CA12: variants seen among roughly 807,000 people sequenced by gnomAD.
The protein encoded by CA12 is carbonate dehydratase XII.
Under a neutral mutation model 46.8 loss-of-function variants are expected in CA12, and 36 were observed. The ratio of observed to expected loss-of-function variants is 0.77; its 90% CI spans 0.59 to 1.02. The LOEUF (loss-of-function observed/expected upper bound fraction) is 1.02. CA12 is among the 50% of genes least tolerant of loss of function. The pLI is 0.00. For missense variants in CA12, 436 were observed against 451.4 expected (o/e 0.97, Z 0.31); for synonymous variants, 202 against 187.0 (o/e 1.08, Z -0.65).
At position 63,345,559 on chromosome 15, in the gene CA12, G is replaced by A. The variant is rs770085807; in HGVS notation, c.347C>T (p.Thr116Met). 17 of 1,613,348 alleles carry A rather than the reference G, an allele frequency of 1.1e-5. No homozygotes were observed. Among genetic ancestry groups the A allele is most frequent in the Middle Eastern group, 1.6e-4 (1 of 6,082 alleles). Residue 116 changes from threonine to methionine, a missense_variant, in exon 4 of 11, where the codon ACG (threonine) becomes ATG (methionine). Coordinates refer to ENST00000178638, the MANE Select transcript of CA12 (RefSeq NM_001218.5). The surrounding 1 kb of genome is among the most constrained non-coding windows in gnomAD (Gnocchi z 4.3). Reference protein sequence around the residue: ...IQGLQSRYSATQLHLHWGNPN... With the variant: ...IQGLQSRYSAMQLHLHWGNPN... ...GTTCCCCCAGTGCAGGTGCAGCTGCGTGGCACTGTAGCGAGACTGGAGGCC... is the reference window on the plus strand; with the variant it reads ...GTTCCCCCAGTGCAGGTGCAGCTGCATGGCACTGTAGCGAGACTGGAGGCC...
At chr15:63,336,917 G>T (rs2039011753) in intron 8 of CA12, among the ~76,000 whole-genome samples, 1 of 152,182 alleles carries the variant, frequency 6.6e-6, no homozygotes. Context: ...TGTGGGCAAA[G>T]TTCCTAATCT....
intron 2 of CA12, among the ~76,000 whole-genome samples, chr15:63,366,330 C>T (rs1337784150): frequency 2.0e-5 from 3 of 152,092 alleles, no homozygotes; most frequent in South Asian, 4.1e-4. Flanking sequence ...TCCCAGAGGC[C>T]CTCCATCCCC....
At chr15:63,379,864 A>G (rs2039622732) in intron 1 of CA12, among the ~76,000 whole-genome samples, 1 of 152,220 alleles carries the variant, frequency 6.6e-6, no homozygotes, top group Non-Finnish European at 1.5e-5. Context: ...AGCCACGGCA[A>G]CTAAGAATTC....
chr15:63,367,249 T>C (rs949033280), intron 2 of CA12, among the ~76,000 whole-genome samples: 1 of 152,194 alleles, frequency 6.6e-6, no homozygotes, highest in African/African-American at 2.4e-5. Flanking sequence ...TTGCAGGTCA[T>C]AGAAGAATAG....
At chr15:63,363,910 G>A (rs1041805271) in intron 2 of CA12, among the ~76,000 whole-genome samples, 3 of 152,126 alleles carry the variant, frequency 2.0e-5, no homozygotes, top group East Asian at 1.9e-4. Context: ...AGACTTGGCC[G>A]GATGCGGTGG....
chr15:63,380,192 G>A (rs776831163), intron 1 of CA12, among the ~76,000 whole-genome samples: 7 of 152,172 alleles, frequency 4.6e-5, no homozygotes, highest in Non-Finnish European at 2.9e-5. Context: ...AGAGTGAGGC[G>A]AAAGTGGAGT....
rs530988777 is a variant in CA12 at position 63,356,554 on chromosome 15, C to T, written c.107-9845G>A. On this transcript the variant is annotated intron_variant, in intron 2 of 10. Coordinates refer to ENST00000178638, the MANE Select transcript of CA12 (RefSeq NM_001218.5). ...TTTTTTTTTTTGAGACAGAGTCTCT[C>T]GCTCTGTTGCCCAAGCTGGAATGCA... is the stretch of plus-strand genomic sequence containing the variant. Among the ~76,000 whole-genome samples the T allele has an allele frequency of 1.0e-3, 150 of 143,130 alleles. 1 individual carries two copies. The highest frequency in any genetic ancestry group is 3.8e-3 in the African/African-American group (143 of 37,984). 93.9% of individuals were successfully genotyped at this position (143,130 alleles called of 152,430 possible).
At chr15:63,375,434 G>A in intron 2 of CA12, 1 of 515,584 alleles carries the variant, frequency 1.9e-6, no homozygotes. Flanking sequence ...ATGACTCACA[G>A]TCCTGTGCCT....
chr15:63,375,589 G>C, intron 2 of CA12, 69 bp downstream of exon 2: 1 of 1,056,642 alleles, frequency 9.5e-7, no homozygotes, highest in South Asian at 1.3e-5. Context: ...TGAAGTTTCT[G>C]TTTTTCTCAT....
At chr15:63,337,442 G>T (rs1054588852) in intron 8 of CA12, among the ~76,000 whole-genome samples, 1 of 152,114 alleles carries the variant, frequency 6.6e-6, no homozygotes, top group South Asian at 2.1e-4. Context: ...GGGTTAACGG[G>T]TTTCTTTTGT....
Position 63,327,959 on chromosome 15 carries a change from A to T in CA12, c.907+139T>A. ...CATCTTTGAATCACAGAGCGACTTG[A>T]GGGTAAGACCCATAGCAAGGAGAGG... On this transcript the variant is annotated intron_variant, in intron 9 of 10. Coordinates refer to ENST00000178638, the MANE Select transcript of CA12 (RefSeq NM_001218.5). This position sits in a 1 kb window ranked among gnomAD's most constrained non-coding sequence, Gnocchi z 4.5. 1.3e-6 allele frequency: 1 copy of T among 764,846 alleles called. No homozygotes were observed. Among genetic ancestry groups the T allele is most frequent in the Non-Finnish European group, 2.3e-6 (1 of 433,920 alleles). The allele number at this position is 764,846 out of a possible 1,614,324, so 47.4% of individuals were successfully genotyped here.
At chr15:63,370,915 G>A (rs1237255048) in intron 2 of CA12, among the ~76,000 whole-genome samples, 48 of 152,206 alleles carry the variant, frequency 3.2e-4, no homozygotes, top group Admixed American at 3.1e-3. Flanking sequence ...AGATGGCCAA[G>A]CCTCCCTCCC....
At chr15:63,357,610 A>G (rs1053810048) in intron 2 of CA12, among the ~76,000 whole-genome samples, 1 of 152,108 alleles carries the variant, frequency 6.6e-6, no homozygotes. Flanking sequence ...GAGCAGAGTC[A>G]GGGCCTTTTT....
Position 63,322,576 on chromosome 15 carries a change from C to T in CA12, c.*3709G>A, listed in dbSNP as rs2038804917. ...GAGGGCCTGAGTTCCCTCTGCCGAC[C>T]TATGGCTCTCACTGCTATGCCTCCC... On this transcript the variant is annotated 3_prime_UTR_variant, in exon 11 of 11. Coordinates refer to ENST00000178638, the MANE Select transcript of CA12 (RefSeq NM_001218.5). This position sits in a 1 kb window ranked among gnomAD's most constrained non-coding sequence, Gnocchi z 4.1. 1 of 152,214 alleles carries T rather than the reference C, an allele frequency of 6.6e-6. No homozygotes were observed. The highest frequency in any genetic ancestry group is 1.5e-5 in the Non-Finnish European group (1 of 68,040). 9.4% of individuals were successfully genotyped at this position (152,214 alleles called of 1,614,324 possible).
intron 2 of CA12, among the ~76,000 whole-genome samples, chr15:63,368,407 C>G (rs1313772396): frequency 6.6e-6 from 1 of 152,140 alleles, no homozygotes; most frequent in Non-Finnish European, 1.5e-5. Flanking sequence ...GGAAGGAGGC[C>G]CCTGCTCCTT....
At position 63,339,842 on chromosome 15, in the gene CA12, G is replaced by A. The variant is rs1373562838; in HGVS notation, c.747+446C>T. 6.6e-6 allele frequency among the ~76,000 whole-genome samples: 1 copy of A among 152,180 alleles called. No individual in the cohort carries two copies. Among genetic ancestry groups the A allele is most frequent in the Non-Finnish European group, 1.5e-5 (1 of 68,030 alleles). On this transcript the variant is annotated intron_variant, in intron 7 of 10. Coordinates refer to ENST00000178638, the MANE Select transcript of CA12 (RefSeq NM_001218.5). This position sits in a 1 kb window ranked among gnomAD's most constrained non-coding sequence, Gnocchi z 4.3. ...TCCTATCAAATAAGAAGCTTTAGAG[G>A]TGATGGCTAAGGATTTTGTTCCCCA...
chr15:63,327,113 G>A lies in CA12; in HGVS notation c.992+36C>T, dbSNP rs1422098122. The stretch of plus-strand genomic sequence containing the variant: ...GCAGACTAATCATCATGGACACATA[G>A]CTGTCCATTCCCATTTTGGACCCAA... On this transcript the variant is annotated intron_variant, in intron 10 of 10. Coordinates refer to ENST00000178638, the MANE Select transcript of CA12 (RefSeq NM_001218.5). The surrounding 1 kb of genome is among the most constrained non-coding windows in gnomAD (Gnocchi z 4.5). 6.6e-7 allele frequency: 1 copy of A among 1,523,160 alleles called. No homozygotes were observed. Among genetic ancestry groups the A allele is most frequent in the Non-Finnish European group, 9.1e-7 (1 of 1,097,404 alleles). The allele number at this position is 1,523,160 out of a possible 1,614,324, so 94.4% of individuals were successfully genotyped here.
At position 63,372,288 on chromosome 15, in the gene CA12, C is replaced by T. The variant is rs1447032517; in HGVS notation, c.106+3370G>A. 6.6e-6 allele frequency among the ~76,000 whole-genome samples: 1 copy of T among 152,210 alleles called. No homozygotes were observed. Among genetic ancestry groups the T allele is most frequent in the Non-Finnish European group, 1.5e-5 (1 of 68,034 alleles). ...GTCACATCATCCCCAGCCTCTCTCT[C>T]ATGATGCCACCTCAGCCATGCTAAG... On this transcript the variant is annotated intron_variant, in intron 2 of 10. Coordinates refer to ENST00000178638, the MANE Select transcript of CA12 (RefSeq NM_001218.5). The surrounding 1 kb of genome is among the most constrained non-coding windows in gnomAD (Gnocchi z 4.5).
intron 4 of CA12, among the ~76,000 whole-genome samples, chr15:63,344,205 C>T (rs2039116882): frequency 6.6e-6 from 1 of 152,178 alleles, no homozygotes; most frequent in Admixed American, 6.5e-5. Context: ...CACATGTGAA[C>T]GGCTGATCAA....
Sources: gnomAD v4.1 joint callset for allele counts (sites outside exome capture counted in the v4.1 genomes callset) on GRCh38, gnomAD v4.1.1 for gene constraint, Gnocchi (gnomAD v3.1) non-coding constraint, MANE v1.5 for transcripts, NCBI Gene and HGNC (gene_info 2026-07-23, HGNC 2026-07-21) for gene names.